The following SNTB1 variants were observed in gnomAD, a reference collection of about 807,000 sequenced individuals.
SNTB1 encodes beta-1-syntrophin.
Under a neutral mutation model 48.9 loss-of-function variants are expected in SNTB1, and 36 were observed. That is an observed-to-expected ratio of 0.74 (90% CI 0.56 to 0.97). SNTB1 has a LOEUF of 0.97. SNTB1 is among the 50% of genes least tolerant of loss of function. The probability of loss-of-function intolerance (pLI) is 0.00; values close to 1 mark genes in which losing one functional copy is unlikely to be tolerated. For synonymous variants in SNTB1, 299 were observed against 294.6 expected, an observed-to-expected ratio of 1.01 and a Z score of -0.15; for missense variants, 786 against 703.4, an observed-to-expected ratio of 1.12 and a Z score of -1.33.
In SNTB1 at chr8:120,730,408, A is replaced by T. The variant is rs548664900; in HGVS notation, c.572-36500T>A. Reference sequence around the variant, plus strand: ...TCGCCATGTTGGCCAGGCTGGTATCAAACTCCTGACCTCAGGTGATCCACC... The same window carrying T: ...TCGCCATGTTGGCCAGGCTGGTATCTAACTCCTGACCTCAGGTGATCCACC... On this transcript the variant is annotated intron_variant, in intron 1 of 6. Coordinates refer to ENST00000517992, the MANE Select transcript of SNTB1 (RefSeq NM_021021.4). 1.1e-3 allele frequency among the ~76,000 whole-genome samples: 168 copies of T among 152,216 alleles called. 1 individual carries two copies. The highest frequency in any genetic ancestry group is 1.9e-3 in the South Asian group (9 of 4,826).
chr8:120,640,462 T>C (rs1817172231), intron 2 of SNTB1, among the ~76,000 whole-genome samples: 1 of 152,102 alleles, frequency 6.6e-6, no homozygotes, highest in Non-Finnish European at 1.5e-5. Flanking sequence ...GTGCCAGTTT[T>C]CAGAGGGAAT....
chr8:120,720,585 A>G (rs1818642743), intron 1 of SNTB1, among the ~76,000 whole-genome samples: 1 of 152,190 alleles, frequency 6.6e-6, no homozygotes, highest in East Asian at 1.9e-4. Context: ...CCTCTATCCT[A>G]TACTGACTTA....
rs374593019 is a variant in SNTB1 at position 120,548,951 on chromosome 8, G to A, written c.1144C>T (p.His382Tyr). The A allele has an allele frequency of 1.3e-6, 2 of 1,578,586 alleles. No homozygotes were observed. Among genetic ancestry groups the A allele is most frequent in the Non-Finnish European group, 1.7e-6 (2 of 1,163,980 alleles). The change falls in exon 5 of 7, where the codon CAT becomes TAT. Residue 382 changes from histidine (H) to tyrosine (Y), a missense_variant. His to Tyr is a moderately conservative substitution (Grantham distance 83). Coordinates refer to ENST00000517992, the MANE Select transcript of SNTB1 (RefSeq NM_021021.4). ...TYPLLATRLV[H>Y]SGPGKGSPQA... ...GGTGATCCCTTTCCTGGACCTGAATGGACCAGCCTGGAGAGAGAGAGAGAG... is the reference window on the plus strand; with the variant it reads ...GGTGATCCCTTTCCTGGACCTGAATAGACCAGCCTGGAGAGAGAGAGAGAG...
chr8:120,651,530 CTG>C (rs1817411152), intron 2 of SNTB1, among the ~76,000 whole-genome samples: 1 of 152,152 alleles, frequency 6.6e-6, no homozygotes, highest in Non-Finnish European at 1.5e-5. Context: ...ATCAGTGACT[CTG>C]TGGTGAAAAG....
chr8:120,583,441 G>T (rs949482988), intron 3 of SNTB1, among the ~76,000 whole-genome samples: 1 of 151,664 alleles, frequency 6.6e-6, no homozygotes, highest in African/African-American at 2.4e-5. Context: ...GAACCCAGGG[G>T]GTGGAGGTTG....
intron 1 of SNTB1, among the ~76,000 whole-genome samples, chr8:120,772,149 A>G (rs888534092): frequency 9.2e-5 from 14 of 151,900 alleles, no homozygotes; most frequent in Non-Finnish European, 1.9e-4. Flanking sequence ...GATTACAGGC[A>G]TGAGCCACTG....
chr8:120,743,422 A>G (rs73323130), intron 1 of SNTB1, among the ~76,000 whole-genome samples: 20,020 of 152,164 alleles, frequency 0.13, 1,726 homozygotes, highest in African/African-American at 0.24. Flanking sequence ...AGCATTACTC[A>G]TGTTAACTGA....
intron 4 of SNTB1, chr8:120,571,076 T>C: frequency 3.1e-6 from 2 of 637,920 alleles, no homozygotes; most frequent in Non-Finnish European, 4.4e-6. Context: ...AGATGATTTA[T>C]AAATGTTGAC....
chr8:120,730,859 C>T (rs1449286701), intron 1 of SNTB1, among the ~76,000 whole-genome samples: 1 of 152,076 alleles, frequency 6.6e-6, no homozygotes, highest in Non-Finnish European at 1.5e-5. Flanking sequence ...GTGGCTCACA[C>T]CTATAATCCC....
chr8:120,618,509 C>T (rs889891545), intron 3 of SNTB1, among the ~76,000 whole-genome samples: 15 of 152,242 alleles, frequency 9.9e-5, no homozygotes, highest in African/African-American at 3.6e-4. Flanking sequence ...ACTACTTTCA[C>T]TTGCTTGGCA....
Position 120,610,239 on chromosome 8 carries a change from C to T in SNTB1, c.996+22205G>A, listed in dbSNP as rs903176331. ...GCAACCTCTGCCTCCCTGGTTAAAG[C>T]GATTCTCTTGCCTCAGCCTCCCAGG... On this transcript the variant is annotated intron_variant, in intron 3 of 6. Coordinates refer to ENST00000517992, the MANE Select transcript of SNTB1 (RefSeq NM_021021.4). Among the ~76,000 whole-genome samples, 4 of 152,256 alleles carry T rather than the reference C, an allele frequency of 2.6e-5. No homozygotes were observed. The East Asian group carries it at 5.8e-4, about 22-fold the overall frequency.
At chr8:120,798,843 A>G (rs1339828996) in intron 1 of SNTB1, among the ~76,000 whole-genome samples, 2 of 151,926 alleles carry the variant, frequency 1.3e-5, no homozygotes, top group Admixed American at 6.6e-5. Flanking sequence ...TTTCTTCTGA[A>G]CTCTTTTAGA....
chr8:120,629,879 G>C (rs10108834), intron 3 of SNTB1, among the ~76,000 whole-genome samples: 3,038 of 152,286 alleles, frequency 0.02, 97 homozygotes, highest in African/African-American at 0.07. Flanking sequence ...AACAGGAAGA[G>C]CTTTATATGC....
At chr8:120,591,723 C>G (rs1243803704) in intron 3 of SNTB1, among the ~76,000 whole-genome samples, 1 of 152,162 alleles carries the variant, frequency 6.6e-6, no homozygotes, top group Non-Finnish European at 1.5e-5. Context: ...CCTTTAGAGA[C>G]TTGTTCCCCT....
chr8:120,794,910 C>G (rs1820096885), intron 1 of SNTB1, among the ~76,000 whole-genome samples: 1 of 152,016 alleles, frequency 6.6e-6, no homozygotes, highest in African/African-American at 2.4e-5. Context: ...TTAAAACCAT[C>G]TACTTTCTGG....
intron 2 of SNTB1, among the ~76,000 whole-genome samples, chr8:120,682,713 T>A (rs1231297100): frequency 1.3e-5 from 2 of 152,076 alleles, no homozygotes; most frequent in African/African-American, 4.8e-5. Flanking sequence ...GGTGGGTACG[T>A]AGGTAGATAG....
chr8:120,652,178 C>T lies in SNTB1; in HGVS notation c.789-19527G>A, dbSNP rs1374567891. On this transcript the variant is annotated intron_variant, in intron 2 of 6. Transcript: ENST00000517992. ...CCCAAGCTGTCATTTGTGAACTATGCTTCTTATGGATATCTGTTGTTTGTC... is the reference window on the plus strand; with the variant it reads ...CCCAAGCTGTCATTTGTGAACTATGTTTCTTATGGATATCTGTTGTTTGTC... Among the ~76,000 whole-genome samples, 4 of 152,270 alleles carry T rather than the reference C, an allele frequency of 2.6e-5. No individual in the cohort carries two copies. In the East Asian group the frequency reaches 5.8e-4, roughly 22 times the overall value.
intron 1 of SNTB1, among the ~76,000 whole-genome samples, chr8:120,737,684 G>C (rs1204339460): frequency 2.0e-5 from 3 of 152,132 alleles, no homozygotes; most frequent in Non-Finnish European, 2.9e-5. Flanking sequence ...GGTATGTCTT[G>C]GTGAAGTCTG....
intron 3 of SNTB1, among the ~76,000 whole-genome samples, chr8:120,630,895 C>G (rs1816968814): frequency 6.6e-6 from 1 of 152,088 alleles, no homozygotes; most frequent in African/African-American, 2.4e-5. Context: ...AAAACATAAG[C>G]CTGGAACCCT....
Sources: gnomAD v4.1 joint callset for allele counts (sites outside exome capture counted in the v4.1 genomes callset) on GRCh38, gnomAD v4.1.1 for gene constraint, MANE v1.5 for transcripts, NCBI Gene and HGNC (gene_info 2026-07-23, HGNC 2026-07-21) for gene names.